The following PSMD14 variants were observed in gnomAD, a reference collection of about 807,000 sequenced individuals.
The protein encoded by PSMD14 is ubiquitin C-terminal hydrolase PSMD14.
A neutral mutation model predicts 41.2 loss-of-function variants in PSMD14; 7 were observed. That is an observed-to-expected ratio of 0.17 (90% CI 0.10 to 0.32). The LOEUF is 0.32. Among genes scored for constraint, PSMD14 ranks in the 10% least tolerant of loss-of-function variants. The probability of loss-of-function intolerance (pLI) is 1.00; values close to 1 mark genes in which losing one functional copy is unlikely to be tolerated. For synonymous variants in PSMD14, 114 were observed against 122.3 expected (o/e 0.93, Z 0.45); for missense variants, 139 against 375.6 (o/e 0.37, Z 5.21).
chr2:161,393,778 T>C (rs1049554578), intron 9 of PSMD14, among the ~76,000 whole-genome samples: 1 of 151,998 alleles, frequency 6.6e-6, no homozygotes, highest in African/African-American at 2.4e-5. Context: ...TGGTCCTCAA[T>C]TGAAGAAAAT....
At chr2:161,393,143 C>T (rs533595907) in intron 9 of PSMD14, among the ~76,000 whole-genome samples, 8 of 152,228 alleles carry the variant, frequency 5.3e-5, no homozygotes, top group Non-Finnish European at 7.4e-5. Flanking sequence ...ACTCGAGGGT[C>T]GCAAGGGAAT....
intron 2 of PSMD14, among the ~76,000 whole-genome samples, chr2:161,317,065 A>G (rs1052694180): frequency 1.3e-5 from 2 of 152,184 alleles, no homozygotes; most frequent in Non-Finnish European, 2.9e-5. Context: ...GGTCCAAAAG[A>G]AATTTTTTTC....
At chr2:161,364,884 G>A (rs1683338298) in intron 3 of PSMD14, among the ~76,000 whole-genome samples, 2 of 151,994 alleles carry the variant, frequency 1.3e-5, no homozygotes, top group African/African-American at 4.8e-5. Context: ...CGGGTGGATT[G>A]CTTGAGCTCA....
chr2:161,409,519 T>G (rs759070051), intron 11 of PSMD14: 7 of 152,264 alleles, frequency 4.6e-5, no homozygotes, highest in Non-Finnish European at 7.3e-5. Flanking sequence ...TGGCAGAATC[T>G]TGATATTTCA....
chr2:161,402,589 C>G (rs1272850602), intron 10 of PSMD14, among the ~76,000 whole-genome samples: 1 of 151,852 alleles, frequency 6.6e-6, no homozygotes, highest in Non-Finnish European at 1.5e-5. Flanking sequence ...TGCAATGAAC[C>G]GTGATCATAC....
chr2:161,341,046 C>T (rs1682948788), intron 3 of PSMD14: 5 of 1,594,516 alleles, frequency 3.1e-6, no homozygotes, highest in Non-Finnish European at 2.6e-6. Context: ...ATCCCCTGGC[C>T]CTTCGGGCTC....
At chr2:161,360,246 G>C (rs1394781137) in intron 3 of PSMD14, among the ~76,000 whole-genome samples, 1 of 149,144 alleles carries the variant, frequency 6.7e-6, no homozygotes, top group East Asian at 2.0e-4. Context: ...CTGGAGTGCA[G>C]TGGCGAGATC....
chr2:161,355,172 G>A (rs909850738), intron 3 of PSMD14, among the ~76,000 whole-genome samples: 7 of 152,086 alleles, frequency 4.6e-5, no homozygotes, highest in African/African-American at 1.7e-4. Flanking sequence ...TTTTAATAAA[G>A]AAATATATCG....
intron 3 of PSMD14, among the ~76,000 whole-genome samples, chr2:161,356,082 G>A (rs1285689684): frequency 6.6e-6 from 1 of 151,980 alleles, no homozygotes; most frequent in Non-Finnish European, 1.5e-5. Flanking sequence ...ACTCTAAAAA[G>A]TAACAAGTTT....
intron 3 of PSMD14, among the ~76,000 whole-genome samples, chr2:161,345,236 C>CTTTTTTTTTTTTTTTTTTTTTTTTT (rs869245727): frequency 1.8e-5 from 1 of 57,020 alleles, no homozygotes; most frequent in African/African-American, 7.4e-5. Context: ...ATCTCTGTGT[C>CTTTTTTTTTTTTTTTTTTTTTTTTT]TTTTTTTTTT....
chr2:161,324,627 T>G (rs539653308), intron 3 of PSMD14, among the ~76,000 whole-genome samples: 130 of 151,848 alleles, frequency 8.6e-4, no homozygotes, highest in African/African-American at 3.1e-3. Context: ...AAGATTTTCT[T>G]TCTTTCTTTT....
At chr2:161,399,947 A>G (rs1195940156) in intron 10 of PSMD14, among the ~76,000 whole-genome samples, 1 of 152,238 alleles carries the variant, frequency 6.6e-6, no homozygotes, top group Non-Finnish European at 1.5e-5. Flanking sequence ...CAATGTTAAA[A>G]TAATTCCTAT....
chr2:161,383,045 CTTTTT>C (rs76881312), intron 7 of PSMD14: 2 of 141,596 alleles, frequency 1.4e-5, no homozygotes, highest in Admixed American at 1.4e-4. Context: ...CTCACTAGGG[CTTTTT>C]TTTTTTTAAT....
At chr2:161,342,813 T>C (rs1682985309) in intron 3 of PSMD14, among the ~76,000 whole-genome samples, 1 of 152,312 alleles carries the variant, frequency 6.6e-6, no homozygotes, top group African/African-American at 2.4e-5. Flanking sequence ...GATATTGTAA[T>C]GATTCCATTA....
intron 8 of PSMD14, among the ~76,000 whole-genome samples, chr2:161,389,322 G>A (rs559217746): frequency 2.0e-5 from 3 of 152,230 alleles, no homozygotes; most frequent in South Asian, 2.1e-4. Flanking sequence ...CACTCTCTAC[G>A]CCAGACTATG....
At chr2:161,354,431 G>A (rs1234616266) in intron 3 of PSMD14, among the ~76,000 whole-genome samples, 2 of 152,082 alleles carry the variant, frequency 1.3e-5, no homozygotes, top group African/African-American at 4.8e-5. Context: ...GTTTTTTGTA[G>A]AGACGGTTTC....
chr2:161,342,124 T>C (rs2105242588), intron 3 of PSMD14, among the ~76,000 whole-genome samples: 1 of 152,284 alleles, frequency 6.6e-6, no homozygotes. Context: ...GTTTAAATCC[T>C]GATGGCCCTT....
chr2:161,394,538 CATTA>C (rs576647985), intron 9 of PSMD14, among the ~76,000 whole-genome samples: 26 of 152,210 alleles, frequency 1.7e-4, no homozygotes, highest in African/African-American at 4.3e-4. Context: ...TTATAAATTT[CATTA>C]ATTCATTCAT....
At chr2:161,390,368 A>G (rs1230457548) in intron 8 of PSMD14, among the ~76,000 whole-genome samples, 1 of 152,168 alleles carries the variant, frequency 6.6e-6, no homozygotes, top group Non-Finnish European at 1.5e-5. Flanking sequence ...TAGGTCCACC[A>G]GAGTACTGTT....
Sources: allele counts gnomAD v4.1 joint callset (sites outside exome capture counted in the v4.1 genomes callset), GRCh38; gene constraint gnomAD v4.1.1; transcripts MANE v1.5; gene names NCBI Gene and HGNC (gene_info 2026-07-23, HGNC 2026-07-21).